Variants in ATP2A2 observed in about 807,000 individuals in gnomAD.
ATP2A2 encodes sarcoplasmic/endoplasmic reticulum calcium ATPase 2.
ATP2A2 carries 14 observed loss-of-function variants against 109.3 expected under a neutral mutation model. The observed-to-expected ratio is 0.13, with a 90% CI of 0.08 to 0.20. The LOEUF (loss-of-function observed/expected upper bound fraction) is 0.20, where lower values mean the gene tolerates loss of function less well. Ranked by LOEUF, ATP2A2 falls within the 10% of genes least tolerant of loss-of-function variation. The probability of loss-of-function intolerance (pLI) is 1.00; values close to 1 mark genes in which losing one functional copy is unlikely to be tolerated. For synonymous variants in ATP2A2, 506 were observed against 490.9 expected (o/e 1.03, Z -0.41); for missense variants, 657 against 1,321.6 (o/e 0.50, Z 7.80).
At chr12:110,304,679 A>AT (rs905691116) in intron 5 of ATP2A2, among the ~76,000 whole-genome samples, 1 of 151,856 alleles carries the variant, frequency 6.6e-6, no homozygotes, top group African/African-American at 2.4e-5. Context: ...GATTAGCAAA[A>AT]TTTTTTCCCC....
In ATP2A2 at chr12:110,342,185, T is replaced by C. The variant is rs1195506776; in HGVS notation, c.2098-43T>C. 1 of 1,609,034 alleles carries C rather than the reference T, an allele frequency of 6.2e-7. No individual in the cohort carries two copies. Among genetic ancestry groups the C allele is most frequent in the African/African-American group, 1.3e-5 (1 of 74,966 alleles). On this transcript the variant is annotated intron_variant, in intron 14 of 19. Coordinates refer to ENST00000539276, the MANE Select transcript of ATP2A2 (RefSeq NM_170665.4). The surrounding 1 kb of genome is among the most constrained non-coding windows in gnomAD (Gnocchi z 4.6). Reference sequence around the variant, plus strand: ...GGGCTTTTGCCTAGGGGTATGAATGTGGCATGCCAGTTGGCTGACCCAACC... The same window carrying C: ...GGGCTTTTGCCTAGGGGTATGAATGCGGCATGCCAGTTGGCTGACCCAACC...
intron 8 of ATP2A2, chr12:110,331,042 G>C (rs553320221): frequency 6.6e-6 from 1 of 151,960 alleles, no homozygotes; most frequent in Non-Finnish European, 1.5e-5. Flanking sequence ...TCAGGAGTTC[G>C]AGACCAGCCT....
chr12:110,318,637 C>T (rs747246725), intron 5 of ATP2A2, among the ~76,000 whole-genome samples: 1 of 152,144 alleles, frequency 6.6e-6, no homozygotes, highest in South Asian at 2.1e-4. Flanking sequence ...CCACACCCGG[C>T]TAATTTTTGT....
chr12:110,284,649 A>AT (rs889389807), intron 3 of ATP2A2, among the ~76,000 whole-genome samples: 3 of 152,180 alleles, frequency 2.0e-5, no homozygotes, highest in East Asian at 1.9e-4. Flanking sequence ...AAATGCTTTA[A>AT]TTTTTTTTAT....
intron 6 of ATP2A2, among the ~76,000 whole-genome samples, chr12:110,325,436 C>G (rs995648923): frequency 6.6e-6 from 1 of 151,830 alleles, no homozygotes; most frequent in Admixed American, 6.6e-5. Flanking sequence ...GAGTTTGAGA[C>G]CAGCCTTGGC....
At chr12:110,284,951 T>C (rs1250951229) in intron 3 of ATP2A2, among the ~76,000 whole-genome samples, 2 of 152,228 alleles carry the variant, frequency 1.3e-5, no homozygotes, top group Non-Finnish European at 2.9e-5. Flanking sequence ...ATTCCTCCTG[T>C]CTGTATCTTT....
At chr12:110,285,485 C>G (rs1013194574) in intron 3 of ATP2A2, among the ~76,000 whole-genome samples, 1 of 152,152 alleles carries the variant, frequency 6.6e-6, no homozygotes, top group Admixed American at 6.6e-5. Context: ...TATTGAGCAC[C>G]TGTCACAGAC....
At position 110,339,432 on chromosome 12, in the gene ATP2A2, T is replaced by G. The variant is rs762314940; in HGVS notation, c.1542+29T>G. 6 of 1,614,218 alleles carry G rather than the reference T, an allele frequency of 3.7e-6. No homozygotes were observed. In the South Asian group the frequency reaches 6.6e-5, roughly 18 times the overall value. ...AGTATGGCAGATTGCAATTGAGATG[T>G]TCTTGCCAGGGTTAAGATCCCGGTG... On this transcript the variant is annotated intron_variant, in intron 12 of 19. Coordinates refer to ENST00000539276, the MANE Select transcript of ATP2A2 (RefSeq NM_170665.4). The surrounding 1 kb of genome is among the most constrained non-coding windows in gnomAD (Gnocchi z 4.4).
intron 4 of ATP2A2, chr12:110,296,332 C>T (rs758038141): frequency 3.7e-5 from 16 of 437,850 alleles, no homozygotes; most frequent in Non-Finnish European, 6.3e-5. Context: ...CTGTGTTTTA[C>T]AGTCTTAGGG....
chr12:110,302,887 G>T (rs963374568), intron 5 of ATP2A2, among the ~76,000 whole-genome samples: 6 of 152,046 alleles, frequency 3.9e-5, no homozygotes, highest in South Asian at 2.1e-4. Flanking sequence ...GTGAGCCACC[G>T]TGCCTGGCCT....
chr12:110,291,197 C>T (rs925993285), intron 3 of ATP2A2, among the ~76,000 whole-genome samples: 7 of 147,120 alleles, frequency 4.8e-5, no homozygotes, highest in Non-Finnish European at 7.5e-5. Flanking sequence ...CGTGAGCCAT[C>T]GCACCCGGCT....
chr12:110,333,369 C>T lies in ATP2A2; in HGVS notation c.1287+86C>T, dbSNP rs961719439. 2.4e-5 allele frequency: 31 copies of T among 1,294,918 alleles called. No individual in the cohort carries two copies. In the Admixed American group the frequency reaches 5.2e-4, roughly 22 times the overall value. 80.2% of individuals were successfully genotyped at this position (1,294,918 alleles called of 1,614,324 possible). ...AATGAAAGTCTAGCCTGCCTTCCTC[C>T]CTTTTGAAAGTCAAGGGTGCCTGAT... On this transcript the variant is annotated intron_variant, in intron 10 of 19. Coordinates refer to ENST00000539276, the MANE Select transcript of ATP2A2 (RefSeq NM_170665.4).
intron 11 of ATP2A2, among the ~76,000 whole-genome samples, chr12:110,336,038 G>T (rs904316441): frequency 1.3e-5 from 2 of 152,230 alleles, no homozygotes; most frequent in Non-Finnish European, 2.9e-5. Flanking sequence ...CAGACCATTT[G>T]CCTGCAAACA....
rs1450912953 is a variant in ATP2A2, at chr12:110,346,138, T to G, written c.2859+20T>G. 3 of 1,614,066 alleles carry G rather than the reference T, an allele frequency of 1.9e-6. No individual in the cohort carries two copies. In the African/African-American group the frequency reaches 4.0e-5, roughly 22 times the overall value. ...TTGCCAGTAAGTGGTTGGGTGGGGC[T>G]TGGGACCAGCCACCTCCTTCCAGGG... On this transcript the variant is annotated intron_variant, in intron 19 of 19. Coordinates refer to ENST00000539276, the MANE Select transcript of ATP2A2 (RefSeq NM_170665.4).
At chr12:110,285,443 TTTC>T (rs1226106433) in intron 3 of ATP2A2, among the ~76,000 whole-genome samples, 1 of 152,220 alleles carries the variant, frequency 6.6e-6, no homozygotes, top group Non-Finnish European at 1.5e-5. Flanking sequence ...ATGCCTGCCC[TTTC>T]TTCTCTTTTC....
intron 1 of ATP2A2, 35 bp downstream of exon 1, chr12:110,281,942 G>C (rs1216409746): frequency 1.3e-6 from 2 of 1,517,262 alleles, no homozygotes; most frequent in Non-Finnish European, 8.9e-7. Context: ...GGGGCCCGGC[G>C]CGGCCGGGAG....
rs1217680616 is a variant in ATP2A2, at chr12:110,281,742, G to C, written c.-48G>C. The C allele has an allele frequency of 1.4e-6, 2 of 1,381,242 alleles. No homozygotes were observed. The highest frequency in any genetic ancestry group is 2.8e-5 in the South Asian group (2 of 71,362). 85.6% of individuals were successfully genotyped at this position (1,381,242 alleles called of 1,614,324 possible). A position where few individuals can be genotyped will look rare whatever the true frequency, so the allele number is the denominator to read the frequency against. ...CGCGGCCGGAGTGCGAGGCGGAGGCGAGGAGGCCGCGGGGACGGGAGGCGA... is the reference window on the plus strand; with the variant it reads ...CGCGGCCGGAGTGCGAGGCGGAGGCCAGGAGGCCGCGGGGACGGGAGGCGA... On this transcript the variant is annotated 5_prime_UTR_variant, in exon 1 of 20. Transcript: ENST00000539276.
At position 110,350,610 on chromosome 12, in the gene ATP2A2, C is replaced by T. The variant is rs774350013; in HGVS notation, c.*4140C>T. 3.7e-4 allele frequency: 178 copies of T among 478,624 alleles called. No homozygotes were observed. Among genetic ancestry groups the T allele is most frequent in the East Asian group, 2.2e-4 (6 of 26,862 alleles). The allele number at this position is 478,624 out of a possible 1,614,324, so 29.6% of individuals were successfully genotyped here. On this transcript the variant is annotated 3_prime_UTR_variant, in exon 20 of 20. Coordinates refer to ENST00000539276, the MANE Select transcript of ATP2A2 (RefSeq NM_170665.4). Reference sequence around the variant, plus strand: ...TAACCTTATCTAAGAACTTGGAAGCCGTCAGCCAAGTCGCCACATTTCTCT... The same window carrying T: ...TAACCTTATCTAAGAACTTGGAAGCTGTCAGCCAAGTCGCCACATTTCTCT...
intron 8 of ATP2A2, chr12:110,331,648 TTTAAC>T (rs1367813730): frequency 1.3e-5 from 2 of 152,262 alleles, no homozygotes; most frequent in African/African-American, 2.4e-5. Flanking sequence ...ACGTGGCCTG[TTTAAC>T]TTGAGTTTTA....
Sources: allele counts gnomAD v4.1 joint callset (sites outside exome capture counted in the v4.1 genomes callset), GRCh38; gene constraint gnomAD v4.1.1; non-coding constraint Gnocchi (gnomAD v3.1); transcripts MANE v1.5; gene names NCBI Gene and HGNC (gene_info 2026-07-23, HGNC 2026-07-21).